The following CSNK2A2IP variants were observed in gnomAD, a reference collection of about 807,000 sequenced individuals.
CSNK2A2IP encodes the protein casein kinase II subunit alpha'-interacting protein.
chr3:88,443,550 G>A, the CSNK2A2IP span, among the ~76,000 whole-genome samples: 2 of 152,070 alleles, frequency 1.3e-5, no homozygotes, highest in African/African-American at 2.4e-5. Flanking sequence ...GGAGATGGTG[G>A]TTCTGAAGGT....
chr3:88,380,521 C>T, the CSNK2A2IP span, among the ~76,000 whole-genome samples: 1 of 151,466 alleles, frequency 6.6e-6, no homozygotes, highest in East Asian at 1.9e-4. Flanking sequence ...ATTAAGATCA[C>T]TAGATCGGTA....
chr3:88,408,093 C>G, the CSNK2A2IP span, among the ~76,000 whole-genome samples: 1 of 152,162 alleles, frequency 6.6e-6, no homozygotes, highest in African/African-American at 2.4e-5. Flanking sequence ...TTCAGTTGAA[C>G]AGAAATAAAT....
chr3:88,436,039 G>A, the CSNK2A2IP span, among the ~76,000 whole-genome samples: 2 of 151,790 alleles, frequency 1.3e-5, no homozygotes, highest in Non-Finnish European at 2.9e-5. Context: ...GAAGGGAAGA[G>A]AATGCAAGAG....
At chr3:88,413,173 A>G in the CSNK2A2IP span, among the ~76,000 whole-genome samples, 2 of 152,040 alleles carry the variant, frequency 1.3e-5, no homozygotes, top group Non-Finnish European at 1.5e-5. Context: ...GCATTGGGAA[A>G]TATGCCTACT....
At chr3:88,433,966 C>A in the CSNK2A2IP span, among the ~76,000 whole-genome samples, 4 of 152,220 alleles carry the variant, frequency 2.6e-5, no homozygotes, top group East Asian at 7.7e-4. Context: ...CTAGAACTTA[C>A]TATATATCAC....
chr3:88,370,514 C>T, the CSNK2A2IP span, among the ~76,000 whole-genome samples: 1 of 151,780 alleles, frequency 6.6e-6, no homozygotes, highest in East Asian at 2.0e-4. Flanking sequence ...TGAGAACCCT[C>T]CCTTCCATGA....
chr3:88,408,075 G>A, the CSNK2A2IP span, among the ~76,000 whole-genome samples: 1 of 152,094 alleles, frequency 6.6e-6, no homozygotes, highest in Non-Finnish European at 1.5e-5. Flanking sequence ...ATACAATAAA[G>A]CAGTATATTC....
At chr3:88,365,311 TA>T in the CSNK2A2IP span, among the ~76,000 whole-genome samples, 12 of 152,210 alleles carry the variant, frequency 7.9e-5, no homozygotes, top group South Asian at 2.5e-3. Flanking sequence ...GGTAAATTAA[TA>T]ACTTTTAGGC....
At chr3:88,399,548 T>A in the CSNK2A2IP span, 1 of 152,190 alleles carries the variant, frequency 6.6e-6, no homozygotes, top group Admixed American at 6.5e-5. Flanking sequence ...ATTAAGTGCT[T>A]ACTATATGCT....
chr3:88,387,756 T>G, the CSNK2A2IP span, among the ~76,000 whole-genome samples: 2 of 152,208 alleles, frequency 1.3e-5, no homozygotes, highest in Non-Finnish European at 1.5e-5. Flanking sequence ...GATAGAATCT[T>G]GCTCTTTTGC....
chr3:88,417,723 G>A, the CSNK2A2IP span, among the ~76,000 whole-genome samples: 1 of 152,072 alleles, frequency 6.6e-6, no homozygotes, highest in Non-Finnish European at 1.5e-5. Context: ...TCAACTGTAG[G>A]TCCTGGTTCT....
chr3:88,444,351 T>G, the CSNK2A2IP span, among the ~76,000 whole-genome samples: 2 of 152,150 alleles, frequency 1.3e-5, no homozygotes, highest in African/African-American at 4.8e-5. Flanking sequence ...CAGGAGTTTA[T>G]GTCAAAAAGT....
At chr3:88,425,769 G>A in the CSNK2A2IP span, among the ~76,000 whole-genome samples, 1 of 152,082 alleles carries the variant, frequency 6.6e-6, no homozygotes, top group Non-Finnish European at 1.5e-5. Flanking sequence ...TATTCCTTAT[G>A]TCATTTATGA....
At chr3:88,353,504 G>T in the CSNK2A2IP span, among the ~76,000 whole-genome samples, 1 of 152,136 alleles carries the variant, frequency 6.6e-6, no homozygotes, top group Non-Finnish European at 1.5e-5. Flanking sequence ...ATGTCAAGAG[G>T]GAGCCTGAGT....
At chr3:88,427,959 TGA>T in the CSNK2A2IP span, among the ~76,000 whole-genome samples, 5 of 152,088 alleles carry the variant, frequency 3.3e-5, no homozygotes, top group Non-Finnish European at 7.4e-5. Flanking sequence ...GTATATTCAC[TGA>T]GAGATTGCAC....
chr3:88,467,182 C>T, the CSNK2A2IP span: 1 of 400,160 alleles, frequency 2.5e-6, no homozygotes. Context: ...GCCACAATCC[C>T]TGCTCCCATC....
chr3:88,458,714 C>T, the CSNK2A2IP span, among the ~76,000 whole-genome samples: 3 of 152,106 alleles, frequency 2.0e-5, no homozygotes, highest in Non-Finnish European at 4.4e-5. Context: ...GATAGCTCCC[C>T]TTCCTATGTT....
the CSNK2A2IP span, among the ~76,000 whole-genome samples, chr3:88,389,769 A>G: frequency 0.017 from 2,596 of 152,054 alleles, 54 homozygotes; most frequent in East Asian, 0.074. Flanking sequence ...GCAATGTATT[A>G]CAAAAATACA....
the CSNK2A2IP span, among the ~76,000 whole-genome samples, chr3:88,449,663 A>G: frequency 1.4e-5 from 2 of 146,360 alleles, no homozygotes; most frequent in Admixed American, 1.3e-4. Flanking sequence ...GTTCTTTTCC[A>G]TCAAACAATC....
Sources: gnomAD v4.1 joint callset for allele counts (sites outside exome capture counted in the v4.1 genomes callset) on GRCh38, gnomAD v4.1.1 for gene constraint, MANE v1.5 for transcripts, NCBI Gene and HGNC (gene_info 2026-07-23, HGNC 2026-07-21) for gene names.